PSD3: variants seen among roughly 807,000 people sequenced by gnomAD.
PSD3 encodes the protein PH and SEC7 domain-containing protein 3.
PSD3 carries 49 observed loss-of-function variants against 105.5 expected under a neutral mutation model. The observed-to-expected ratio is 0.46, with a 90% CI of 0.37 to 0.59. The LOEUF (loss-of-function observed/expected upper bound fraction) is 0.59, where lower values mean the gene tolerates loss of function less well. Ranked by LOEUF, PSD3 falls within the 20% of genes least tolerant of loss-of-function variation. PSD3 has a pLI of 0.00. For missense variants in PSD3, 1,561 were observed against 1,263.8 expected (o/e 1.24, Z -3.57); for synonymous variants, 557 against 457.8 (o/e 1.22, Z -2.77).
chr8:19,033,505 A>C (rs2056440), intron 1 of PSD3, among the ~76,000 whole-genome samples: 75,741 of 151,496 alleles, frequency 0.5, 19,617 homozygotes, highest in African/African-American at 0.62. Context: ...AGGACAATTT[A>C]AAACGTCTCT....
chr8:19,041,614 C>G (rs1323155212), intron 1 of PSD3, among the ~76,000 whole-genome samples: 1 of 152,212 alleles, frequency 6.6e-6, no homozygotes, highest in Non-Finnish European at 1.5e-5. Context: ...CTTGCACTTA[C>G]CTGGGTTATC....
intron 8 of PSD3, among the ~76,000 whole-genome samples, chr8:18,773,001 GT>G (rs1322069146): frequency 9.2e-5 from 14 of 152,134 alleles, no homozygotes; most frequent in African/African-American, 2.9e-4. Flanking sequence ...ACACCCCTTT[GT>G]TTTTAAGGCA....
intron 1 of PSD3, among the ~76,000 whole-genome samples, chr8:18,973,068 T>C (rs767276050): frequency 3.9e-5 from 6 of 152,218 alleles, no homozygotes; most frequent in Non-Finnish European, 7.3e-5. Flanking sequence ...GTTTATTCGA[T>C]GGACTACCTC....
intron 12 of PSD3, among the ~76,000 whole-genome samples, chr8:18,577,458 T>G (rs1004030886): frequency 1.3e-5 from 2 of 152,066 alleles, no homozygotes; most frequent in Non-Finnish European, 2.9e-5. Context: ...TTTATCCCCT[T>G]CAGACACGTA....
At chr8:18,766,276 G>T (rs574970274) in intron 8 of PSD3, among the ~76,000 whole-genome samples, 1 of 152,312 alleles carries the variant, frequency 6.6e-6, no homozygotes, top group Non-Finnish European at 1.5e-5. Flanking sequence ...AGAGGTTGCA[G>T]TGAGTCGAGA....
chr8:18,880,097 G>A (rs1179384006), intron 2 of PSD3, among the ~76,000 whole-genome samples: 5 of 152,000 alleles, frequency 3.3e-5, no homozygotes, highest in Non-Finnish European at 7.4e-5. Context: ...GTTTGCATTG[G>A]TTATCACAAC....
chr8:18,591,319 G>A (rs879887845), intron 12 of PSD3, among the ~76,000 whole-genome samples: 53 of 152,278 alleles, frequency 3.5e-4, no homozygotes, highest in African/African-American at 1.3e-3. Context: ...CTGGGTAATG[G>A]CTTAATCTTG....
At chr8:18,761,823 T>G (rs140037692) in intron 9 of PSD3, among the ~76,000 whole-genome samples, 4 of 152,274 alleles carry the variant, frequency 2.6e-5, no homozygotes, top group African/African-American at 7.2e-5. Flanking sequence ...GTGGAGCCAG[T>G]AGAAACATGA....
intron 8 of PSD3, among the ~76,000 whole-genome samples, chr8:18,796,880 T>G (rs192520619): frequency 6.6e-6 from 1 of 152,178 alleles, no homozygotes; most frequent in Non-Finnish European, 1.5e-5. Context: ...CTAGGTAGTA[T>G]AGCATTAAGG....
At chr8:18,614,161 C>T (rs929596901) in intron 11 of PSD3, among the ~76,000 whole-genome samples, 2 of 152,276 alleles carry the variant, frequency 1.3e-5, no homozygotes, top group Admixed American at 6.5e-5. Flanking sequence ...CAACATAGGA[C>T]GTGTATGCTT....
chr8:18,535,836 A>T lies in PSD3; in HGVS notation c.3051T>A (p.Asp1017Glu). 1.2e-6 allele frequency: 2 copies of T among 1,614,142 alleles called. No individual in the cohort carries two copies. Among genetic ancestry groups the T allele is most frequent in the Non-Finnish European group, 1.7e-6 (2 of 1,179,994 alleles). ...KSHSSPSLNP[D>E]TSPITAKVKR... ...TGACTTTGGCAGTGATTGGAGAAGT[A>T]TCCGGGTTCAGCGAAGGACTCGAGT... Residue 1017 changes from aspartate (D) to glutamate (E), a missense_variant, in exon 16 of 16, where the codon GAT becomes GAA. Transcript: ENST00000327040.
At chr8:18,772,652 G>A (rs758271311) in intron 8 of PSD3, among the ~76,000 whole-genome samples, 5 of 152,142 alleles carry the variant, frequency 3.3e-5, no homozygotes, top group Middle Eastern at 3.4e-3. Context: ...GGGATTACAG[G>A]TGCCCACCAT....
chr8:18,593,996 G>T (rs1416852925), intron 12 of PSD3, among the ~76,000 whole-genome samples: 1 of 88,440 alleles, frequency 1.1e-5, no homozygotes, highest in Non-Finnish European at 2.0e-5. Flanking sequence ...AGGGGGGAGG[G>T]ATAGCATTAA....
In PSD3 at chr8:18,936,015, G is replaced by T. The variant is rs374228700; in HGVS notation, c.130+19C>A. 2.0e-6 allele frequency: 3 copies of T among 1,463,616 alleles called. No individual in the cohort carries two copies. The highest frequency in any genetic ancestry group is 3.4e-5 in the Admixed American group (2 of 59,430). 90.7% of individuals were successfully genotyped at this position (1,463,616 alleles called of 1,614,324 possible). A position where few individuals can be genotyped will look rare whatever the true frequency, so the allele number is the denominator to read the frequency against. ...CTTCATATAGTTTACCTGGGAGAGG[G>T]ATATGAGGAAATACTTACTAGTATC... On this transcript the variant is annotated intron_variant, in intron 2 of 15. Transcript: ENST00000327040.
At chr8:18,645,114 G>A (rs1385821427) in intron 10 of PSD3, among the ~76,000 whole-genome samples, 1 of 152,126 alleles carries the variant, frequency 6.6e-6, no homozygotes, top group African/African-American at 2.4e-5. Flanking sequence ...CATTAATTAG[G>A]GCAGAGCCCT....
At chr8:18,771,030 C>T (rs1424398527) in intron 8 of PSD3, among the ~76,000 whole-genome samples, 1 of 152,212 alleles carries the variant, frequency 6.6e-6, no homozygotes, top group Non-Finnish European at 1.5e-5. Flanking sequence ...CCAGATTCTT[C>T]TCAGAAGTTA....
intron 12 of PSD3, among the ~76,000 whole-genome samples, chr8:18,586,407 T>A (rs1312831997): frequency 1.3e-5 from 2 of 152,200 alleles, no homozygotes; most frequent in Non-Finnish European, 1.5e-5. Flanking sequence ...GCGAATTGAA[T>A]TATTCTTGAA....
intron 6 of PSD3, chr8:18,803,389 C>CTGTGTG (rs59427991): frequency 0.025 from 3,560 of 143,296 alleles, 64 homozygotes; most frequent in African/African-American, 0.033. Context: ...AATCTATAAA[C>CTGTGTG]TGTGTGTGTG....
rs1585937974 is a variant in PSD3 at position 18,776,330 on chromosome 8, T to C, written c.2083-10792A>G. On this transcript the variant is annotated intron_variant, in intron 8 of 15. Transcript: ENST00000327040. ...TATAGTATAAAATATATATAAACTA[T>C]ATAAATATATATAGTATAAAAATAT... Among the ~76,000 whole-genome samples the C allele has an allele frequency of 2.0e-5, 3 of 147,240 alleles. No individual in the cohort carries two copies. The South Asian group carries it at 6.3e-4, about 31-fold the overall frequency.
Sources: gnomAD v4.1 joint callset for allele counts (sites outside exome capture counted in the v4.1 genomes callset) on GRCh38, gnomAD v4.1.1 for gene constraint, MANE v1.5 for transcripts, NCBI Gene and HGNC (gene_info 2026-07-23, HGNC 2026-07-21) for gene names.